SNX11: variants seen among roughly 807,000 people sequenced by gnomAD.
The protein encoded by SNX11 is sorting nexin 11, also known as sorting nexin-11.
A neutral mutation model predicts 30.7 loss-of-function variants in SNX11; 19 were observed. That is an observed-to-expected ratio of 0.62 (90% CI 0.43 to 0.91). SNX11 has a LOEUF of 0.91. SNX11 is among the 40% of genes least tolerant of loss of function. The pLI, the probability that SNX11 is intolerant of heterozygous loss-of-function variation, is 0.00. For missense variants in SNX11, 302 were observed against 326.7 expected, an observed-to-expected ratio of 0.92 and a Z score of 0.58; for synonymous variants, 112 against 119.0, an observed-to-expected ratio of 0.94 and a Z score of 0.38.
intron 4 of SNX11, among the ~76,000 whole-genome samples, chr17:48,117,909 G>A (rs2063561377): frequency 6.6e-6 from 1 of 152,076 alleles, no homozygotes; most frequent in Admixed American, 6.6e-5. Context: ...AGTTATTCTG[G>A]GAGGCTGATG....
chr17:48,111,628 CAA>C (rs1052450228), intron 1 of SNX11, among the ~76,000 whole-genome samples: 3 of 132,196 alleles, frequency 2.3e-5, no homozygotes, highest in African/African-American at 8.4e-5. Context: ...GCCTGGGCAA[CAA>C]GAGTGAAACT....
chr17:48,108,064 G>A (rs1207124108), intron 1 of SNX11: 4 of 152,202 alleles, frequency 2.6e-5, no homozygotes, highest in African/African-American at 7.2e-5. Flanking sequence ...TACCCCCCAA[G>A]CTTAATCGGA....
intron 1 of SNX11, among the ~76,000 whole-genome samples, chr17:48,110,218 A>G (rs1301781616): frequency 6.6e-6 from 1 of 152,106 alleles, no homozygotes; most frequent in Non-Finnish European, 1.5e-5. Flanking sequence ...AATGTTATAT[A>G]TGGGTTGTTA....
At chr17:48,114,173 T>A (rs2063519871) in intron 4 of SNX11, among the ~76,000 whole-genome samples, 1 of 150,642 alleles carries the variant, frequency 6.6e-6, no homozygotes, top group Non-Finnish European at 1.5e-5. Flanking sequence ...ATGTTCTTTT[T>A]TTTTTTTTTT....
intron 1 of SNX11, 189 bp from the exon 2 acceptor site, chr17:48,111,842 G>A (rs565536532): frequency 6.9e-6 from 4 of 576,558 alleles, no homozygotes; most frequent in South Asian, 6.5e-5. Context: ...AATCCCCCAG[G>A]GCCTTTTAGC....
intron 4 of SNX11, among the ~76,000 whole-genome samples, chr17:48,118,499 A>C (rs1471985316): frequency 6.8e-6 from 1 of 147,878 alleles, no homozygotes; most frequent in Non-Finnish European, 1.5e-5. Context: ...AACTGCTTGA[A>C]CCCGGGAGGC....
At chr17:48,116,575 CTT>C (rs77655481) in intron 4 of SNX11, among the ~76,000 whole-genome samples, 5 of 140,234 alleles carry the variant, frequency 3.6e-5, no homozygotes, top group African/African-American at 5.2e-5. Context: ...TTCTTTTTTC[CTT>C]TTTTTTTTTT....
chr17:48,121,538 G>C lies in SNX11; in HGVS notation c.*30G>C. ...TGGGTTCTGCTCTGAGATGGTCAGA[G>C]AAGATGCGGGCCAGGAGACTTACTC... On this transcript the variant is annotated 3_prime_UTR_variant, in exon 7 of 7. Transcript: ENST00000359238. The C allele has an allele frequency of 6.2e-7, 1 of 1,607,166 alleles. No individual in the cohort carries two copies. The highest frequency in any genetic ancestry group is 8.5e-7 in the Non-Finnish European group (1 of 1,176,684).
intron 1 of SNX11, chr17:48,111,111 G>C: frequency 1.0e-6 from 1 of 985,406 alleles, no homozygotes; most frequent in Non-Finnish European, 1.2e-6. Flanking sequence ...AAACCGGATG[G>C]CATGTCAGGA....
chr17:48,113,685 A>AC (rs2063514523), intron 4 of SNX11: 1 of 346,236 alleles, frequency 2.9e-6, no homozygotes. Flanking sequence ...GGCTGGGACT[A>AC]CAGGTGCATG....
At chr17:48,109,535 G>C (rs1164544918) in intron 1 of SNX11, among the ~76,000 whole-genome samples, 2 of 151,468 alleles carry the variant, frequency 1.3e-5, no homozygotes, top group African/African-American at 4.8e-5. Flanking sequence ...TGGGATTACA[G>C]ACGTGAGCCA....
intron 6 of SNX11, 34 bp downstream of exon 6, chr17:48,119,220 A>G (rs780169629): frequency 2.0e-6 from 3 of 1,523,512 alleles, no homozygotes; most frequent in Admixed American, 3.3e-5. Context: ...AGCAGGGGCT[A>G]GGTTTGCTAT....
rs976405579 is a variant in SNX11, at chr17:48,112,493, G to C, written c.43-81G>C. On this transcript the variant is annotated intron_variant, in intron 2 of 6. Transcript: ENST00000359238. ...TGTTGAGTGAATGAAAGTTGGTGTT[G>C]GGTGGAAAAATCTAGCGACCTGTGT... is the stretch of plus-strand genomic sequence containing the variant. The C allele has an allele frequency of 3.5e-6, 3 of 848,536 alleles. No homozygotes were observed. In the Admixed American group the frequency reaches 6.4e-5, roughly 18 times the overall value. The allele number at this position is 848,536 out of a possible 1,614,324, so 52.6% of individuals were successfully genotyped here. A position where few individuals can be genotyped will look rare whatever the true frequency, so the allele number is the denominator to read the frequency against.
Position 48,113,257 on chromosome 17 carries a change from T to C in SNX11, c.130-44T>C, listed in dbSNP as rs752801929. The C allele has an allele frequency of 1.7e-5, 25 of 1,508,228 alleles. No individual in the cohort carries two copies. In the Admixed American group the frequency reaches 4.2e-4, roughly 25 times the overall value. 93.4% of individuals were successfully genotyped at this position (1,508,228 alleles called of 1,614,324 possible). A position where few individuals can be genotyped will look rare whatever the true frequency, so the allele number is the denominator to read the frequency against. ...GGGAGCTCATGTGAACTTGTCTATTTCCACTAAACCCTTTTCATGTACTTC... is the reference window on the plus strand; with the variant it reads ...GGGAGCTCATGTGAACTTGTCTATTCCCACTAAACCCTTTTCATGTACTTC... On this transcript the variant is annotated intron_variant, in intron 3 of 6. Transcript: ENST00000359238.
At chr17:48,119,281 T>C (rs1321879615) in intron 6 of SNX11, 95 bp downstream of exon 6, 4 of 973,876 alleles carry the variant, frequency 4.1e-6, no homozygotes, top group East Asian at 2.5e-5. Context: ...TGTCATAGCA[T>C]TGGTAGCCTT....
chr17:48,113,426 T>C (rs1403797290), intron 4 of SNX11, 25 bp downstream of exon 4: 1 of 1,576,394 alleles, frequency 6.3e-7, no homozygotes, highest in South Asian at 1.1e-5. Context: ...GCTTCCTTCT[T>C]GGGTCTGTGA....
intron 1 of SNX11, among the ~76,000 whole-genome samples, chr17:48,109,265 CTTT>C (rs35219376): frequency 7.1e-6 from 1 of 139,936 alleles, no homozygotes; most frequent in Non-Finnish European, 1.5e-5. Context: ...CTGAAACTTT[CTTT>C]TTTTTTTTTT....
chr17:48,113,229 A>C (rs553367284), intron 3 of SNX11, 72 bp from the exon 4 acceptor site: 2 of 1,238,348 alleles, frequency 1.6e-6, no homozygotes, highest in Admixed American at 3.4e-5. Flanking sequence ...GAAAGCAATG[A>C]TAGGGAGCTC....
At chr17:48,118,856 A>G (rs2063571513) in intron 5 of SNX11, 57 bp downstream of exon 5, 16 of 1,567,686 alleles carry the variant, frequency 1.0e-5, no homozygotes, top group Admixed American at 1.7e-5. Context: ...GGGTGGAGGA[A>G]TGTGCCAGGC....
Sources: gnomAD v4.1 joint callset for allele counts (sites outside exome capture counted in the v4.1 genomes callset) on GRCh38, gnomAD v4.1.1 for gene constraint, MANE v1.5 for transcripts, NCBI Gene and HGNC (gene_info 2026-07-23, HGNC 2026-07-21) for gene names.